Variants in DCC observed in about 807,000 individuals in gnomAD.
The protein encoded by DCC is DCC netrin 1 receptor, also known as netrin receptor DCC.
DCC carries 58 observed loss-of-function variants against 172.5 expected under a neutral mutation model. That is an observed-to-expected ratio of 0.34 (90% confidence interval 0.27 to 0.42). The LOEUF (loss-of-function observed/expected upper bound fraction) is 0.42, where lower values mean the gene tolerates loss of function less well. DCC is among the 10% of genes least tolerant of loss of function. The pLI is 1.00. For missense variants in DCC, 1,740 were observed against 1,791.0 expected (o/e 0.97, Z 0.51); for synonymous variants, 709 against 644.5 (o/e 1.10, Z -1.52).
chr18:52,688,431 A>G (rs1358718378), intron 1 of DCC, among the ~76,000 whole-genome samples: 12 of 152,242 alleles, frequency 7.9e-5, no homozygotes, highest in Middle Eastern at 3.4e-3. Flanking sequence ...TCTAAATCCA[A>G]ATTATTTTTA....
chr18:52,467,001 A>G (rs1407023115), intron 1 of DCC, among the ~76,000 whole-genome samples: 1 of 151,836 alleles, frequency 6.6e-6, no homozygotes, highest in Admixed American at 6.6e-5. Flanking sequence ...CATGTTCCAA[A>G]TCACTCTTTG....
chr18:52,756,635 G>A (rs2037080148), intron 2 of DCC, among the ~76,000 whole-genome samples: 1 of 152,190 alleles, frequency 6.6e-6, no homozygotes, highest in Admixed American at 6.5e-5. Flanking sequence ...GAAAAAGCAT[G>A]AGCATTTCTT....
chr18:52,450,747 A>G (rs1378089185), intron 1 of DCC, among the ~76,000 whole-genome samples: 8 of 152,202 alleles, frequency 5.3e-5, no homozygotes, highest in African/African-American at 1.7e-4. Flanking sequence ...CTCAATAAAT[A>G]CATTTTATAA....
chr18:52,615,483 G>A (rs2034362586), intron 1 of DCC, among the ~76,000 whole-genome samples: 1 of 152,136 alleles, frequency 6.6e-6, no homozygotes, highest in South Asian at 2.1e-4. Flanking sequence ...CTGGCTTTAG[G>A]CAGAACTGAT....
intron 17 of DCC, among the ~76,000 whole-genome samples, chr18:53,393,742 G>A (rs556466584): frequency 4.9e-4 from 74 of 152,286 alleles, no homozygotes; most frequent in African/African-American, 1.7e-3. Flanking sequence ...ATTTCCTGAA[G>A]CAAATTATTT....
chr18:53,089,586 AC>A (rs1555709435), intron 7 of DCC, among the ~76,000 whole-genome samples: 1 of 96,256 alleles, frequency 1.0e-5, no homozygotes, highest in Non-Finnish European at 2.3e-5. Flanking sequence ...TAAAAAAAAA[AC>A]CAAAAAACAA....
intron 12 of DCC, among the ~76,000 whole-genome samples, chr18:53,284,611 A>T (rs761219253): frequency 6.6e-6 from 1 of 152,278 alleles, no homozygotes; most frequent in African/African-American, 2.4e-5. Flanking sequence ...TATCAGCAGC[A>T]TGAAAATGGA....
chr18:52,630,581 G>T (rs1223779947), intron 1 of DCC, among the ~76,000 whole-genome samples: 1 of 151,990 alleles, frequency 6.6e-6, no homozygotes, highest in Non-Finnish European at 1.5e-5. Flanking sequence ...GAAGTCCCAT[G>T]CAAAGCTGCT....
chr18:53,194,409 A>T (rs903973979), intron 9 of DCC, among the ~76,000 whole-genome samples: 1 of 151,670 alleles, frequency 6.6e-6, no homozygotes, highest in Admixed American at 6.6e-5. Context: ...TGGCTTTTCT[A>T]TCAGGGACTC....
chr18:53,175,078 C>A (rs893827307), intron 8 of DCC, among the ~76,000 whole-genome samples: 1 of 151,996 alleles, frequency 6.6e-6, no homozygotes, highest in Admixed American at 6.6e-5. Context: ...ACAAAAACCA[C>A]ATGATTATCT....
chr18:53,265,373 A>G lies in DCC; in HGVS notation c.1912-40205A>G, dbSNP rs543828332. 4.7e-4 allele frequency among the ~76,000 whole-genome samples: 72 copies of G among 152,348 alleles called. No individual in the cohort carries two copies. The South Asian group carries it at 0.013, about 28-fold the overall frequency. ...AATAATTTCTAGGTGATGAGTTTCT[A>G]TCATAAAAGTGTACTATGCATTGGA... On this transcript the variant is annotated intron_variant, in intron 12 of 28. Coordinates refer to ENST00000442544, the MANE Select transcript of DCC (RefSeq NM_005215.4).
At chr18:52,438,845 G>A (rs1987879638) in intron 1 of DCC, among the ~76,000 whole-genome samples, 1 of 152,076 alleles carries the variant, frequency 6.6e-6, no homozygotes, top group Admixed American at 6.6e-5. Context: ...AGGGCTATGG[G>A]GGTACATTTA....
intron 1 of DCC, among the ~76,000 whole-genome samples, chr18:52,674,893 A>G (rs183903864): frequency 3.3e-4 from 50 of 149,476 alleles, no homozygotes; most frequent in African/African-American, 1.1e-3. Flanking sequence ...CCTCTCTGGC[A>G]TTAACATCAA....
chr18:52,461,167 G>A (rs570293202), intron 1 of DCC, among the ~76,000 whole-genome samples: 58 of 151,330 alleles, frequency 3.8e-4, no homozygotes, highest in South Asian at 6.3e-4. Context: ...CTTTATTTTC[G>A]TCTTTTTAGA....
intron 20 of DCC, among the ~76,000 whole-genome samples, chr18:53,414,141 A>G (rs1186051195): frequency 6.6e-6 from 1 of 152,196 alleles, no homozygotes; most frequent in Non-Finnish European, 1.5e-5. Flanking sequence ...AACCTTTAAA[A>G]ATGTTTGTTA....
intron 1 of DCC, among the ~76,000 whole-genome samples, chr18:52,399,785 T>C (rs929980498): frequency 1.1e-4 from 16 of 152,144 alleles, no homozygotes; most frequent in African/African-American, 3.8e-4. Flanking sequence ...GTTACGTTCA[T>C]TGGACTGTAA....
intron 15 of DCC, among the ~76,000 whole-genome samples, chr18:53,349,356 G>A (rs2057761470): frequency 6.6e-6 from 1 of 152,116 alleles, no homozygotes; most frequent in Non-Finnish European, 1.5e-5. Context: ...AGCCTTTTGG[G>A]CAAAGCCATT....
At chr18:53,219,529 A>ATTT (rs2055899956) in intron 12 of DCC, among the ~76,000 whole-genome samples, 1 of 152,080 alleles carries the variant, frequency 6.6e-6, no homozygotes, top group Non-Finnish European at 1.5e-5. Context: ...ATGCAAATTG[A>ATTT]TGGATTCCTC....
chr18:53,081,758 T>C (rs1236268275), intron 7 of DCC, among the ~76,000 whole-genome samples: 2 of 152,126 alleles, frequency 1.3e-5, no homozygotes, highest in Non-Finnish European at 2.9e-5. Context: ...TAATTGGTGA[T>C]GGATGGTGAC....
Sources: gnomAD v4.1 joint callset for allele counts (sites outside exome capture counted in the v4.1 genomes callset) on GRCh38, gnomAD v4.1.1 for gene constraint, MANE v1.5 for transcripts, NCBI Gene and HGNC (gene_info 2026-07-23, HGNC 2026-07-21) for gene names.